HEY2: variants seen among roughly 807,000 people sequenced by gnomAD.
HEY2 encodes hes related family bHLH transcription factor with YRPW motif 2, also known as hairy/enhancer-of-split related with YRPW motif protein 2.
Under a neutral mutation model 18.1 loss-of-function variants are expected in HEY2, and 10 were observed. The ratio of observed to expected loss-of-function variants is 0.55; its 90% CI spans 0.34 to 0.94. The LOEUF is 0.94. Ranked by LOEUF, HEY2 falls within the 40% of genes least tolerant of loss-of-function variation. The pLI, the probability that HEY2 is intolerant of heterozygous loss-of-function variation, is 0.02. For missense variants in HEY2, 455 were observed against 455.9 expected, an observed-to-expected ratio of 1.00 and a Z score of 0.02; for synonymous variants, 210 against 182.7, an observed-to-expected ratio of 1.15 and a Z score of -1.21.
At chr6:125,755,262 A>G (rs1773632436) in intron 4 of HEY2, among the ~76,000 whole-genome samples, 2 of 152,316 alleles carry the variant, frequency 1.3e-5, no homozygotes, top group East Asian at 1.9e-4. Context: ...AGAGGATCTC[A>G]TCTCATGCTA....
chr6:125,754,472 CAA>C lies in HEY2; in HGVS notation c.256_257del (p.Lys86ValfsTer5). 6.3e-7 allele frequency: 1 copy of C among 1,579,262 alleles called. No individual in the cohort carries two copies. The highest frequency in any genetic ancestry group is 8.6e-7 in the Non-Finnish European group (1 of 1,156,802). On this transcript the variant is annotated frameshift_variant, in exon 4 of 5. Coordinates refer to ENST00000368364, the MANE Select transcript of HEY2 (RefSeq NM_012259.3). LOFTEE classifies it high-confidence loss of function. ...ATTTATTTATTTATGAAGGGATCTG[CAA>C]AGTTAGAAAAAGCTGAAATATTGCA...
At chr6:125,755,918 A>G in intron 4 of HEY2, among the ~76,000 whole-genome samples, 1 of 152,236 alleles carries the variant, frequency 6.6e-6, no homozygotes, top group East Asian at 1.9e-4. Flanking sequence ...CTGCAGCTCC[A>G]TGATTCTGTC....
At position 125,755,372 on chromosome 6, in the gene HEY2, A is replaced by G. The variant is rs563313651; in HGVS notation, c.328+826A>G. Among the ~76,000 whole-genome samples, 9 of 152,324 alleles carry G rather than the reference A, an allele frequency of 5.9e-5. No individual in the cohort carries two copies. The South Asian group carries it at 1.7e-3, about 28-fold the overall frequency. ...TTCCTCTGAATCTTTTTCATCCTTC[A>G]AAGAATCCTTTGATATTCACCTTAG... On this transcript the variant is annotated intron_variant, in intron 4 of 4. Transcript: ENST00000368364.
rs772942465 is a variant in HEY2 at position 125,759,092 on chromosome 6, C to A, written c.329-25C>A. The A allele has an allele frequency of 1.9e-6, 3 of 1,558,626 alleles. No individual in the cohort carries two copies. In the Admixed American group the frequency reaches 5.5e-5, roughly 29 times the overall value. On this transcript the variant is annotated intron_variant, in intron 4 of 4. Coordinates refer to ENST00000368364, the MANE Select transcript of HEY2 (RefSeq NM_012259.3). ...CTCCCGCCCATCTCTCTCCTGTTCCCTACTTTGCTCAAACCCACTTTTAGG... is the reference window on the plus strand; with the variant it reads ...CTCCCGCCCATCTCTCTCCTGTTCCATACTTTGCTCAAACCCACTTTTAGG...
rs1340540800 is a variant in HEY2 at position 125,761,016 on chromosome 6, CTT to C, written c.*1215_*1216del. On this transcript the variant is annotated 3_prime_UTR_variant, in exon 5 of 5. Transcript: ENST00000368364. ...ATTTCGTTTAATGACAAAATAATCTCTTAATATGCTGAAATCAAGCACGTGAG... is the reference window on the plus strand; with the variant it reads ...ATTTCGTTTAATGACAAAATAATCTCAATATGCTGAAATCAAGCACGTGAG... 8.5e-5 allele frequency: 13 copies of C among 152,654 alleles called. No homozygotes were observed. Among genetic ancestry groups the C allele is most frequent in the African/African-American group, 2.9e-4 (12 of 41,536 alleles). 9.5% of individuals were successfully genotyped at this position (152,654 alleles called of 1,614,324 possible). A position where few individuals can be genotyped will look rare whatever the true frequency, so the allele number is the denominator to read the frequency against.
Position 125,759,327 on chromosome 6 carries a change from T to C in HEY2, c.539T>C (p.Leu180Pro), listed in dbSNP as rs1245821149. ...TCCATGGCCCACCACCATCATCCGCTCCACCCGCATCACTGGGCCGCCGCC... is the reference window on the plus strand; with the variant it reads ...TCCATGGCCCACCACCATCATCCGCCCCACCCGCATCACTGGGCCGCCGCC... ...TSSMAHHHHPLHPHHWAAAFH... is the reference protein window; with the variant it reads ...TSSMAHHHHPPHPHHWAAAFH... The change falls in exon 5 of 5, where the codon CTC becomes CCC. Residue 180 changes from leucine to proline, a missense_variant. Coordinates refer to ENST00000368364, the MANE Select transcript of HEY2 (RefSeq NM_012259.3). 6.2e-7 allele frequency: 1 copy of C among 1,604,616 alleles called. No individual in the cohort carries two copies.
chr6:125,758,863 A>G (rs1773719953), intron 4 of HEY2, among the ~76,000 whole-genome samples: 1 of 152,244 alleles, frequency 6.6e-6, no homozygotes, highest in Non-Finnish European at 1.5e-5. Context: ...TTTAGCTGCA[A>G]GAACAACTGT....
intron 1 of HEY2, chr6:125,750,477 C>T: frequency 2.3e-6 from 2 of 869,000 alleles, no homozygotes; most frequent in Non-Finnish European, 2.8e-6. Flanking sequence ...CCTCCACTTT[C>T]CTGTGACAGA....
intron 1 of HEY2, 30 bp downstream of exon 1, chr6:125,749,889 C>T (rs1173549271): frequency 6.5e-7 from 1 of 1,528,706 alleles, no homozygotes; most frequent in Non-Finnish European, 8.9e-7. Context: ...GAGCGGCCCG[C>T]AGCTCGGGAG....
intron 4 of HEY2, among the ~76,000 whole-genome samples, chr6:125,756,797 T>TA (rs1322734510): frequency 6.6e-6 from 1 of 152,198 alleles, no homozygotes; most frequent in African/African-American, 2.4e-5. Context: ...GTAGTGTCCA[T>TA]ACTATATAAC....
chr6:125,752,212 A>T (rs1773559673), intron 3 of HEY2, 122 bp downstream of exon 3: 1 of 647,218 alleles, frequency 1.5e-6, no homozygotes, highest in Non-Finnish European at 2.8e-6. Flanking sequence ...TTAAAATAAT[A>T]GTGTATGTGC....
chr6:125,759,840 C>T lies in HEY2; in HGVS notation c.*38C>T, dbSNP rs1423727452. 6.4e-7 allele frequency: 1 copy of T among 1,555,674 alleles called. No homozygotes were observed. The highest frequency in any genetic ancestry group is 1.1e-5 in the South Asian group (1 of 88,604). On this transcript the variant is annotated 3_prime_UTR_variant, in exon 5 of 5. Coordinates refer to ENST00000368364, the MANE Select transcript of HEY2 (RefSeq NM_012259.3). ...CTTCTTGCAATAGTAACTGAATGTC[C>T]TCCATTTCAGAGTCAGCTTAAAACC...
chr6:125,751,975 A>G, intron 2 of HEY2, 32 bp from the exon 3 acceptor site: 1 of 1,600,234 alleles, frequency 6.2e-7, no homozygotes, highest in Non-Finnish European at 8.6e-7. Context: ...TTGTGAATTC[A>G]TAAACTTTTG....
chr6:125,749,725 G>T lies in HEY2; in HGVS notation c.-52G>T, dbSNP rs1773494819. The T allele has an allele frequency of 1.4e-6, 2 of 1,444,618 alleles. No individual in the cohort carries two copies. The highest frequency in any genetic ancestry group is 4.0e-5 in the Admixed American group (2 of 49,842). 89.5% of individuals were successfully genotyped at this position (1,444,618 alleles called of 1,614,324 possible). A position where few individuals can be genotyped will look rare whatever the true frequency, so the allele number is the denominator to read the frequency against. On this transcript the variant is annotated 5_prime_UTR_variant, in exon 1 of 5. Transcript: ENST00000368364. ...GGCGGGCGTCAGGGTGCTGCGCCCC[G>T]CTCGGCGTCCGAGCTTCCGGCCGGG...
In HEY2 at chr6:125,759,880, G is replaced by A; in HGVS notation, c.*78G>A. On this transcript the variant is annotated 3_prime_UTR_variant, in exon 5 of 5. Coordinates refer to ENST00000368364, the MANE Select transcript of HEY2 (RefSeq NM_012259.3). ...AGCTTAAAACCTCTGCACCCTGAAGGTAGCCATACAGATGCCGACAGATCC... is the reference window on the plus strand; with the variant it reads ...AGCTTAAAACCTCTGCACCCTGAAGATAGCCATACAGATGCCGACAGATCC... 8.3e-7 allele frequency: 1 copy of A among 1,202,990 alleles called. No individual in the cohort carries two copies. The highest frequency in any genetic ancestry group is 1.2e-6 in the Non-Finnish European group (1 of 844,014). The allele number at this position is 1,202,990 out of a possible 1,614,324, so 74.5% of individuals were successfully genotyped here. A position where few individuals can be genotyped will look rare whatever the true frequency, so the allele number is the denominator to read the frequency against.
intron 1 of HEY2, among the ~76,000 whole-genome samples, chr6:125,750,655 A>G (rs1382139958): frequency 6.6e-6 from 1 of 152,252 alleles, no homozygotes; most frequent in East Asian, 1.9e-4. Flanking sequence ...TCTAATACAT[A>G]CAAAGCAAAG....
Position 125,754,516 on chromosome 6 carries a change from T to G in HEY2, c.298T>G (p.Leu100Val). ...AEILQMTVDH[L>V]KMLQATGGKG... ...AATATTGCAAATGACAGTGGATCAT[T>G]TGAAGATGCTTCAGGCAACAGGGGG... Residue 100 changes from leucine (L) to valine (V), a missense_variant, in exon 4 of 5, where the codon TTG (leucine) becomes GTG (valine). By Grantham distance (32) the Leu-to-Val change is conservative. Coordinates refer to ENST00000368364, the MANE Select transcript of HEY2 (RefSeq NM_012259.3). The G allele has an allele frequency of 6.2e-7, 1 of 1,604,344 alleles. No homozygotes were observed. The highest frequency in any genetic ancestry group is 1.3e-5 in the African/African-American group (1 of 74,712).
intron 4 of HEY2, among the ~76,000 whole-genome samples, chr6:125,758,725 C>G (rs149518544): frequency 9.4e-4 from 143 of 152,270 alleles, no homozygotes; most frequent in African/African-American, 3.3e-3. Context: ...GAGACTGGAA[C>G]TCTGTATTTC....
chr6:125,757,684 C>T (rs1773691359), intron 4 of HEY2, among the ~76,000 whole-genome samples: 1 of 152,222 alleles, frequency 6.6e-6, no homozygotes, highest in Non-Finnish European at 1.5e-5. Flanking sequence ...TGTGGTGGCT[C>T]ACGCCTGTAA....
Sources: gnomAD v4.1 joint callset for allele counts (sites outside exome capture counted in the v4.1 genomes callset) on GRCh38, gnomAD v4.1.1 for gene constraint, MANE v1.5 for transcripts, NCBI Gene and HGNC (gene_info 2026-07-23, HGNC 2026-07-21) for gene names.